SCLT1: variants seen among roughly 807,000 people sequenced by gnomAD.
SCLT1 encodes the protein sodium channel and clathrin linker 1.
A neutral mutation model predicts 112.8 loss-of-function variants in SCLT1; 78 were observed. The ratio of observed to expected loss-of-function variants is 0.69; its 90% CI spans 0.58 to 0.83. The LOEUF (loss-of-function observed/expected upper bound fraction) is 0.83, where lower values mean the gene tolerates loss of function less well. Ranked by LOEUF, SCLT1 falls within the 40% of genes least tolerant of loss-of-function variation. The pLI, the probability that SCLT1 is intolerant of heterozygous loss-of-function variation, is 0.00. For synonymous variants in SCLT1, 257 were observed against 254.7 expected, an observed-to-expected ratio of 1.01 and a Z score of -0.09; for missense variants, 747 against 770.4, an observed-to-expected ratio of 0.97 and a Z score of 0.36.
intron 5 of SCLT1, among the ~76,000 whole-genome samples, chr4:129,016,248 G>A (rs556360372): frequency 4.6e-5 from 7 of 152,232 alleles, no homozygotes; most frequent in African/African-American, 1.7e-4. Context: ...TGCCATGGTG[G>A]TTTGCTGCAC....
intron 15 of SCLT1, among the ~76,000 whole-genome samples, chr4:128,947,903 A>T (rs4975287): frequency 6.6e-6 from 1 of 151,948 alleles, no homozygotes; most frequent in Non-Finnish European, 1.5e-5. Flanking sequence ...TAAGAGCTAA[A>T]ATAAAACTCA....
intron 2 of SCLT1, among the ~76,000 whole-genome samples, chr4:129,070,757 T>C (rs1177147426): frequency 1.3e-5 from 2 of 152,128 alleles, no homozygotes; most frequent in Non-Finnish European, 2.9e-5. Flanking sequence ...TGCTTGCTTG[T>C]TTGTTTCAAT....
At chr4:129,064,138 C>G (rs1198039159) in intron 2 of SCLT1, among the ~76,000 whole-genome samples, 1 of 152,026 alleles carries the variant, frequency 6.6e-6, no homozygotes, top group Non-Finnish European at 1.5e-5. Flanking sequence ...TCTCTTTCAC[C>G]TATTTTCTAA....
chr4:129,052,707 G>T (rs1326431918), intron 2 of SCLT1, among the ~76,000 whole-genome samples: 2 of 151,966 alleles, frequency 1.3e-5, no homozygotes, highest in African/African-American at 4.8e-5. Flanking sequence ...TTTTTGAAGG[G>T]TTTTTTGTGT....
chr4:128,910,699 C>T (rs929640157), intron 18 of SCLT1, among the ~76,000 whole-genome samples: 1 of 151,932 alleles, frequency 6.6e-6, no homozygotes, highest in African/African-American at 2.4e-5. Context: ...CTTTTTTACA[C>T]TTAGCTCTTT....
intron 11 of SCLT1, among the ~76,000 whole-genome samples, chr4:128,960,779 G>A (rs1254517031): frequency 1.4e-4 from 21 of 150,662 alleles, no homozygotes; most frequent in Non-Finnish European, 2.2e-4. Context: ...AATTAGCCGG[G>A]CTCGGTGGCG....
chr4:129,057,283 A>G (rs772123639), intron 2 of SCLT1, among the ~76,000 whole-genome samples: 10 of 152,116 alleles, frequency 6.6e-5, no homozygotes, highest in Non-Finnish European at 1.5e-4. Context: ...ATATTAACCT[A>G]TAATTTCCTT....
chr4:129,015,670 G>A (rs73847376), intron 5 of SCLT1, among the ~76,000 whole-genome samples: 2,136 of 152,200 alleles, frequency 0.014, 51 homozygotes, highest in African/African-American at 0.046. Flanking sequence ...ATCTCTCCCT[G>A]CCAACTCAAG....
At chr4:128,935,603 A>G (rs1484005575) in intron 18 of SCLT1, among the ~76,000 whole-genome samples, 1 of 152,106 alleles carries the variant, frequency 6.6e-6, no homozygotes, top group East Asian at 1.9e-4. Context: ...GATTAAGTAC[A>G]TGTAAGTTGC....
At chr4:128,879,062 G>T (rs1370361254), downstream of SCLT1, among the ~76,000 whole-genome samples, 1 of 151,788 alleles carries the variant, frequency 6.6e-6, no homozygotes, top group Non-Finnish European at 1.5e-5. Context: ...CACCAACACG[G>T]CACATGTATA....
chr4:129,069,340 G>A (rs530643891), intron 2 of SCLT1, among the ~76,000 whole-genome samples: 2 of 152,158 alleles, frequency 1.3e-5, no homozygotes, highest in East Asian at 3.9e-4. Context: ...GAATTGCATG[G>A]AATCTGTAGA....
chr4:129,007,244 T>C (rs1012029329), intron 5 of SCLT1, among the ~76,000 whole-genome samples: 3 of 152,206 alleles, frequency 2.0e-5, no homozygotes, highest in Non-Finnish European at 1.5e-5. Context: ...TCTATATATG[T>C]CCCTTAAGAG....
At chr4:129,055,834 A>AAAAC (rs1553999342) in intron 2 of SCLT1, among the ~76,000 whole-genome samples, 8 of 126,650 alleles carry the variant, frequency 6.3e-5, no homozygotes, top group Admixed American at 2.5e-4. Flanking sequence ...AAAAAAAACA[A>AAAAC]AAACAAACAA....
chr4:128,918,307 T>C (rs1735624016), intron 18 of SCLT1, among the ~76,000 whole-genome samples: 1 of 151,966 alleles, frequency 6.6e-6, no homozygotes, highest in Non-Finnish European at 1.5e-5. Context: ...GTACAGGACA[T>C]AAAACACAAA....
chr4:129,012,112 A>T (rs1382825367), intron 5 of SCLT1, among the ~76,000 whole-genome samples: 1 of 151,862 alleles, frequency 6.6e-6, no homozygotes. Flanking sequence ...TAGTTCTTTT[A>T]GTTGTGATGT....
At chr4:128,910,472 G>C (rs1363231101) in intron 18 of SCLT1, among the ~76,000 whole-genome samples, 1 of 152,128 alleles carries the variant, frequency 6.6e-6, no homozygotes, top group East Asian at 1.9e-4. Flanking sequence ...TTTTAATGTG[G>C]AACTTGATGA....
chr4:128,885,603 A>G (rs1365891110), intron 20 of SCLT1, among the ~76,000 whole-genome samples: 1 of 152,152 alleles, frequency 6.6e-6, no homozygotes, highest in East Asian at 1.9e-4. Context: ...ATGGTTTTTA[A>G]TCTTTTAAAA....
chr4:128,975,010 C>G (rs1413469511), intron 9 of SCLT1, among the ~76,000 whole-genome samples: 1 of 124,894 alleles, frequency 8.0e-6, no homozygotes, highest in African/African-American at 3.3e-5. Flanking sequence ...TACTTCATTT[C>G]TTATGATATT....
At chr4:129,080,579 T>C (rs1278037870) in intron 2 of SCLT1, among the ~76,000 whole-genome samples, 1 of 152,194 alleles carries the variant, frequency 6.6e-6, no homozygotes, top group African/African-American at 2.4e-5. Flanking sequence ...CAGCCTAGAC[T>C]TCACTATCCG....
Sources: gnomAD v4.1 joint callset for allele counts (sites outside exome capture counted in the v4.1 genomes callset) on GRCh38, gnomAD v4.1.1 for gene constraint, MANE v1.5 for transcripts, NCBI Gene and HGNC (gene_info 2026-07-23, HGNC 2026-07-21) for gene names.